The following CFAP54 variants were observed in gnomAD, a reference collection of about 807,000 sequenced individuals.
CFAP54 encodes the protein cilia and flagella associated protein 54.
CFAP54 carries 290 observed loss-of-function variants against 370.4 expected under a neutral mutation model. That is an observed-to-expected ratio of 0.78 (90% CI 0.71 to 0.86). The LOEUF (loss-of-function observed/expected upper bound fraction) is 0.86. Among genes scored for constraint, CFAP54 ranks in the 40% least tolerant of loss-of-function variants. CFAP54 has a pLI of 0.00. For synonymous variants in CFAP54, 1,206 were observed against 1,236.5 expected (o/e 0.98, Z 0.52); for missense variants, 3,399 against 3,528.7 (o/e 0.96, Z 0.93).
Position 96,625,744 on chromosome 12 carries a change from G to C in CFAP54, c.3913G>C (p.Glu1305Gln), listed in dbSNP as rs1956543301. ...TGTTACATCTGAACTCTCAGGAGGA[G>C]AGGACCCTATATTTCTTTATCCTGT... ...QYVTSELSGG[E>Q]DPIFLYPVVL... Residue 1305 changes from glutamate to glutamine, a missense_variant, in exon 29 of 68, where the codon GAG (glutamate) becomes CAG (glutamine). Glu to Gln is a conservative substitution (Grantham distance 29). Transcript: ENST00000524981. The C allele has an allele frequency of 6.5e-7, 1 of 1,535,746 alleles. No individual in the cohort carries two copies. The highest frequency in any genetic ancestry group is 1.4e-5 in the African/African-American group (1 of 73,136).
At chr12:96,667,367 G>A (rs553033758) in intron 39 of CFAP54, among the ~76,000 whole-genome samples, 25 of 152,336 alleles carry the variant, frequency 1.6e-4, no homozygotes, top group African/African-American at 5.8e-4. Flanking sequence ...CTCCATGAGG[G>A]ACCCACCCCT....
At chr12:96,695,752 T>C (rs1046906255) in intron 45 of CFAP54, among the ~76,000 whole-genome samples, 1 of 152,210 alleles carries the variant, frequency 6.6e-6, no homozygotes, top group African/African-American at 2.4e-5. Context: ...CTGTCCACTC[T>C]CTATAGTGTT....
At chr12:96,719,766 A>G (rs1592724026) in intron 49 of CFAP54, among the ~76,000 whole-genome samples, 1 of 152,158 alleles carries the variant, frequency 6.6e-6, no homozygotes, top group Admixed American at 6.5e-5. Context: ...TTCACGGTCT[A>G]TTTAGTACCA....
At chr12:96,570,210 G>T (rs1955901611) in intron 19 of CFAP54, among the ~76,000 whole-genome samples, 1 of 152,144 alleles carries the variant, frequency 6.6e-6, no homozygotes, top group South Asian at 2.1e-4. Flanking sequence ...CTGGGTTCAA[G>T]GGGTCCGCTT....
intron 55 of CFAP54, among the ~76,000 whole-genome samples, chr12:96,748,298 T>C (rs1270702249): frequency 6.6e-6 from 1 of 152,246 alleles, no homozygotes; most frequent in East Asian, 1.9e-4. Flanking sequence ...GATAATTTAG[T>C]ACTTTTTAAG....
intron 26 of CFAP54, among the ~76,000 whole-genome samples, chr12:96,604,827 T>C (rs149996307): frequency 4.7e-4 from 71 of 152,344 alleles, no homozygotes; most frequent in East Asian, 4.4e-3. Flanking sequence ...GCAAAGACCA[T>C]GGGAAAAGCG....
intron 14 of CFAP54, among the ~76,000 whole-genome samples, chr12:96,547,609 T>G (rs1235713777): frequency 6.6e-6 from 1 of 152,228 alleles, no homozygotes; most frequent in Non-Finnish European, 1.5e-5. Flanking sequence ...AATATTTAAT[T>G]AGATGGAAGA....
At chr12:96,694,696 A>G (rs1957421871) in intron 45 of CFAP54, among the ~76,000 whole-genome samples, 1 of 151,800 alleles carries the variant, frequency 6.6e-6, no homozygotes, top group Admixed American at 6.6e-5. Context: ...GTAATCAGCT[A>G]TGGGCTGGTA....
chr12:96,764,620 C>T (rs1222733888), intron 59 of CFAP54, among the ~76,000 whole-genome samples: 2 of 151,138 alleles, frequency 1.3e-5, no homozygotes, highest in Non-Finnish European at 2.9e-5. Context: ...GATCCTGTCT[C>T]AAAAGAAAAA....
At chr12:96,855,875 T>C (rs1435451065) in intron 66 of CFAP54, among the ~76,000 whole-genome samples, 1 of 152,252 alleles carries the variant, frequency 6.6e-6, no homozygotes, top group Non-Finnish European at 1.5e-5. Flanking sequence ...ATGGGAGCTC[T>C]GACCCTACAT....
At chr12:96,761,750 C>G (rs1373797441) in intron 58 of CFAP54, among the ~76,000 whole-genome samples, 4 of 151,990 alleles carry the variant, frequency 2.6e-5, no homozygotes, top group African/African-American at 7.2e-5. Context: ...AAAGACTTAT[C>G]CTTTTCTCGT....
rs545557970 is a variant in CFAP54, at chr12:96,676,582, G to A, written c.5564-3018G>A. On this transcript the variant is annotated intron_variant, in intron 39 of 67. Coordinates refer to ENST00000524981, the MANE Select transcript of CFAP54 (RefSeq NM_001306084.2). Reference sequence around the variant, plus strand: ...TTTTTTTGAGATGGAGTTTCATTCCGTCGCTCAGGCTGGAGTGCAGCGGCA... The same window carrying A: ...TTTTTTTGAGATGGAGTTTCATTCCATCGCTCAGGCTGGAGTGCAGCGGCA... Among the ~76,000 whole-genome samples the A allele has an allele frequency of 1.5e-4, 23 of 152,164 alleles. No homozygotes were observed. The South Asian group carries it at 4.8e-3, about 32-fold the overall frequency.
intron 32 of CFAP54, among the ~76,000 whole-genome samples, chr12:96,633,893 C>T (rs1956635174): frequency 1.3e-5 from 2 of 151,998 alleles, no homozygotes; most frequent in Non-Finnish European, 2.9e-5. Context: ...TTTTACATTC[C>T]CATCAACAGT....
intron 6 of CFAP54, among the ~76,000 whole-genome samples, chr12:96,521,435 G>A (rs764140522): frequency 2.6e-5 from 4 of 152,060 alleles, no homozygotes; most frequent in Non-Finnish European, 2.9e-5. Context: ...TGGTCAATGT[G>A]AACAGTTAGG....
At chr12:96,780,302 A>G (rs1176723303) in intron 60 of CFAP54, among the ~76,000 whole-genome samples, 1 of 152,120 alleles carries the variant, frequency 6.6e-6, no homozygotes, top group African/African-American at 2.4e-5. Flanking sequence ...ATCATTTTTA[A>G]TCTTTCACAG....
At chr12:96,577,409 A>G (rs999377067) in intron 20 of CFAP54, among the ~76,000 whole-genome samples, 1 of 152,226 alleles carries the variant, frequency 6.6e-6, no homozygotes, top group Admixed American at 6.5e-5. Flanking sequence ...TATATTTTAC[A>G]AACTACACTT....
intron 63 of CFAP54, among the ~76,000 whole-genome samples, chr12:96,797,878 G>A (rs963444751): frequency 2.0e-5 from 3 of 151,790 alleles, no homozygotes; most frequent in Non-Finnish European, 4.4e-5. Context: ...AATCTACCTT[G>A]CTTTTGCTTG....
chr12:96,651,198 C>T (rs1318230834), intron 35 of CFAP54, among the ~76,000 whole-genome samples: 1 of 152,126 alleles, frequency 6.6e-6, no homozygotes, highest in Non-Finnish European at 1.5e-5. Context: ...CTTCTTATTG[C>T]TTGAAATTAT....
At position 96,651,832 on chromosome 12, in the gene CFAP54, A is replaced by G. The variant is rs1417741985; in HGVS notation, c.5100+17A>G. ...TCTATTAAGGTAAAGACACTTTGGTAATTATTTTTATTATATTCAGTTAAA... is the reference window on the plus strand; with the variant it reads ...TCTATTAAGGTAAAGACACTTTGGTGATTATTTTTATTATATTCAGTTAAA... On this transcript the variant is annotated intron_variant, in intron 36 of 67. Coordinates refer to ENST00000524981, the MANE Select transcript of CFAP54 (RefSeq NM_001306084.2). 4.1e-6 allele frequency: 6 copies of G among 1,459,786 alleles called. No homozygotes were observed. Among genetic ancestry groups the G allele is most frequent in the Non-Finnish European group, 5.7e-6 (6 of 1,049,522 alleles). 90.4% of individuals were successfully genotyped at this position (1,459,786 alleles called of 1,614,324 possible).
Sources: gnomAD v4.1 joint callset for allele counts (sites outside exome capture counted in the v4.1 genomes callset) on GRCh38, gnomAD v4.1.1 for gene constraint, MANE v1.5 for transcripts, NCBI Gene and HGNC (gene_info 2026-07-23, HGNC 2026-07-21) for gene names.